Variants in MITF observed in about 807,000 individuals in gnomAD.
MITF encodes the protein melanocyte inducing transcription factor.
Under a neutral mutation model 60.5 loss-of-function variants are expected in MITF, and 17 were observed. That is an observed-to-expected ratio of 0.28 (90% confidence interval 0.19 to 0.42). MITF has a LOEUF of 0.42. MITF is among the 10% of genes least tolerant of loss of function. The pLI, the probability that MITF is intolerant of heterozygous loss-of-function variation, is 1.00. For synonymous variants in MITF, 260 were observed against 248.5 expected, an observed-to-expected ratio of 1.05 and a Z score of -0.43; for missense variants, 622 against 683.5, an observed-to-expected ratio of 0.91 and a Z score of 1.00.
intron 6 of MITF, 123 bp from the exon 7 acceptor site, chr3:69,951,689 T>A (rs941651023): frequency 1.4e-6 from 1 of 726,356 alleles, no homozygotes; most frequent in Non-Finnish European, 2.4e-6. Flanking sequence ...TAAAAAAACG[T>A]ATTTTTACTT....
chr3:69,939,114 A>G lies in MITF; in HGVS notation c.599A>G (p.Glu200Gly). The part of the protein sequence containing the change: ...NCEKEGFYKF[E>G]EQNRAESECP... ...TTTTTGCAGGGATTTTATAAGTTTG[A>G]AGAGCAAAACAGGGCAGAGAGCGAG... The change falls in exon 4 of 10, where the codon GAA (glutamate) becomes GGA (glycine). Residue 200 changes from glutamate (E) to glycine (G), a missense_variant. Coordinates refer to ENST00000352241, the MANE Select transcript of MITF (RefSeq NM_001354604.2). 1 of 1,614,060 alleles carries G rather than the reference A, an allele frequency of 6.2e-7. No homozygotes were observed. Among genetic ancestry groups the G allele is most frequent in the South Asian group, 1.1e-5 (1 of 91,060 alleles).
At chr3:69,948,424 C>T (rs1218627990) in intron 5 of MITF, among the ~76,000 whole-genome samples, 3 of 150,938 alleles carry the variant, frequency 2.0e-5, no homozygotes, top group Non-Finnish European at 4.4e-5. Context: ...TTATTATTCT[C>T]TTGAAAGTGT....
rs887606514 is a variant in MITF at position 69,755,629 on chromosome 3, G to GA, written c.104+15937dup. Among the ~76,000 whole-genome samples the GA allele has an allele frequency of 4.5e-3, 665 of 148,994 alleles. 4 individuals are homozygous for GA. The highest frequency in any genetic ancestry group is 0.016 in the African/African-American group (631 of 40,580). ...ACTGGTCACTAGCAAGCATAAAGGG[G>GA]AAAAAAAAAGCAGAAAGGGGGGTTA... On this transcript the variant is annotated intron_variant, in intron 1 of 9. Coordinates refer to ENST00000352241, the MANE Select transcript of MITF (RefSeq NM_001354604.2).
intron 1 of MITF, among the ~76,000 whole-genome samples, chr3:69,747,293 A>C (rs1001620934): frequency 1.3e-5 from 2 of 152,234 alleles, no homozygotes; most frequent in African/African-American, 2.4e-5. Flanking sequence ...TATTGGTAGA[A>C]TGGGCCTATG....
intron 2 of MITF, among the ~76,000 whole-genome samples, chr3:69,914,271 G>A (rs2065285492): frequency 6.6e-6 from 1 of 152,086 alleles, no homozygotes; most frequent in South Asian, 2.1e-4. Context: ...ACAGGCACAT[G>A]CCACCACAAC....
intron 1 of MITF, among the ~76,000 whole-genome samples, chr3:69,746,316 C>A (rs920105524): frequency 6.6e-6 from 1 of 152,150 alleles, no homozygotes; most frequent in Non-Finnish European, 1.5e-5. Flanking sequence ...TAGAACAGAT[C>A]ACATGTGCTT....
intron 2 of MITF, among the ~76,000 whole-genome samples, chr3:69,901,213 CAAA>C (rs201494705): frequency 2.7e-5 from 2 of 75,176 alleles, no homozygotes; most frequent in Admixed American, 1.5e-4. Flanking sequence ...TGTGATTTTT[CAAA>C]AAAAAAAAAA....
At chr3:69,885,575 C>A (rs1559697364) in intron 2 of MITF, among the ~76,000 whole-genome samples, 1 of 151,960 alleles carries the variant, frequency 6.6e-6, no homozygotes, top group Non-Finnish European at 1.5e-5. Flanking sequence ...TGTTGGAGGG[C>A]AAAAGAGTCT....
At chr3:69,778,799 C>T (rs148274752) in intron 1 of MITF, 2 of 152,164 alleles carry the variant, frequency 1.3e-5, no homozygotes, top group East Asian at 3.9e-4. Flanking sequence ...CTTGCAAAAA[C>T]CATTTTTTTT....
intron 1 of MITF, chr3:69,763,450 C>G (rs1170984382): frequency 1.1e-6 from 1 of 949,734 alleles, no homozygotes; most frequent in Non-Finnish European, 1.3e-6. Context: ...GCACCTCCCT[C>G]CTTCCTGGCT....
At chr3:69,775,191 G>T (rs1386422459) in intron 1 of MITF, among the ~76,000 whole-genome samples, 1 of 152,056 alleles carries the variant, frequency 6.6e-6, no homozygotes, top group Admixed American at 6.5e-5. Context: ...CGTATGTTCA[G>T]TGTTTGTTTC....
intron 5 of MITF, among the ~76,000 whole-genome samples, chr3:69,945,838 A>T (rs2066081644): frequency 6.6e-6 from 1 of 152,198 alleles, no homozygotes; most frequent in Non-Finnish European, 1.5e-5. Flanking sequence ...ATCCGGGGAA[A>T]CAAAATCAGC....
intron 9 of MITF, among the ~76,000 whole-genome samples, chr3:69,960,576 A>G (rs1423625608): frequency 6.6e-6 from 1 of 152,164 alleles, no homozygotes; most frequent in African/African-American, 2.4e-5. Context: ...CTGACTTTGA[A>G]CACAACCTAT....
chr3:69,740,949 T>C (rs985691712), intron 1 of MITF, among the ~76,000 whole-genome samples: 2 of 152,192 alleles, frequency 1.3e-5, no homozygotes, highest in Non-Finnish European at 2.9e-5. Context: ...GTTCTTTTTC[T>C]AGTGGAAAGT....
chr3:69,766,250 G>C (rs2062290371), intron 1 of MITF, among the ~76,000 whole-genome samples: 1 of 151,276 alleles, frequency 6.6e-6, no homozygotes, highest in Non-Finnish European at 1.5e-5. Context: ...TTTTGAGATG[G>C]AGTCTCTTTC....
At chr3:69,915,434 T>A (rs2107404869) in intron 2 of MITF, among the ~76,000 whole-genome samples, 1 of 151,950 alleles carries the variant, frequency 6.6e-6, no homozygotes, top group East Asian at 1.9e-4. Flanking sequence ...TATAAAGAAA[T>A]CCTAATACAT....
intron 1 of MITF, among the ~76,000 whole-genome samples, chr3:69,819,790 C>T (rs1049799828): frequency 2.6e-5 from 4 of 151,968 alleles, no homozygotes; most frequent in Non-Finnish European, 4.4e-5. Context: ...GGTGAAACCT[C>T]GTCTCTACTA....
At chr3:69,951,420 A>G (rs2066251291) in intron 6 of MITF, among the ~76,000 whole-genome samples, 1 of 152,088 alleles carries the variant, frequency 6.6e-6, no homozygotes, top group Non-Finnish European at 1.5e-5. Flanking sequence ...CAGGCATCAA[A>G]AAAGGATTGA....
intron 1 of MITF, among the ~76,000 whole-genome samples, chr3:69,757,289 A>G (rs1704188181): frequency 6.6e-6 from 1 of 152,152 alleles, no homozygotes; most frequent in African/African-American, 2.4e-5. Flanking sequence ...TTTTCAAAAT[A>G]TTTTCAGACT....
Sources: gnomAD v4.1 joint callset for allele counts (sites outside exome capture counted in the v4.1 genomes callset) on GRCh38, gnomAD v4.1.1 for gene constraint, MANE v1.5 for transcripts, NCBI Gene and HGNC (gene_info 2026-07-23, HGNC 2026-07-21) for gene names.